The following OTUD7B variants were observed in gnomAD, a reference collection of about 807,000 sequenced individuals.
OTUD7B encodes OTU domain-containing protein 7B.
A neutral mutation model predicts 82.2 loss-of-function variants in OTUD7B; 34 were observed. The ratio of observed to expected loss-of-function variants is 0.41; its 90% confidence interval spans 0.31 to 0.55. OTUD7B has a LOEUF of 0.55. OTUD7B is among the 20% of genes least tolerant of loss of function. The probability of loss-of-function intolerance (pLI) is 0.20; values close to 1 mark genes in which losing one functional copy is unlikely to be tolerated. For missense variants in OTUD7B, 944 were observed against 1,062.1 expected (o/e 0.89, Z 1.55); for synonymous variants, 398 against 402.7 (o/e 0.99, Z 0.14).
rs879958400 is a variant in OTUD7B at position 149,942,800 on chromosome 1, T to A, written c.*1057A>T. On this transcript the variant is annotated 3_prime_UTR_variant, in exon 12 of 12. Coordinates refer to ENST00000581312, the MANE Select transcript of OTUD7B (RefSeq NM_020205.4). ...AGTAGGAGGAAAAAAAATCATTTTT[T>A]AAATGTTTTTGCTTGCTGGGGTCTT... The A allele has an allele frequency of 3.3e-5, 5 of 152,552 alleles. No homozygotes were observed. In the South Asian group the frequency reaches 8.3e-4, roughly 25 times the overall value. 9.4% of individuals were successfully genotyped at this position (152,552 alleles called of 1,614,324 possible). A position where few individuals can be genotyped will look rare whatever the true frequency, so the allele number is the denominator to read the frequency against.
At chr1:150,057,745 A>G in the OTUD7B span, among the ~76,000 whole-genome samples, 1 of 152,322 alleles carries the variant, frequency 6.6e-6, no homozygotes, top group South Asian at 2.1e-4. Flanking sequence ...CTAAAACATT[A>G]TATACAGTGA....
At position 149,959,817 on chromosome 1, in the gene OTUD7B, G is replaced by A. The variant is rs1303822512; in HGVS notation, c.733-21C>T. On this transcript the variant is annotated intron_variant, in intron 6 of 11. Transcript: ENST00000581312. ...CCTGACTGTGTGAAGGACAGGCAGGGGACATTGGGCAATTAGAGGCTGGGT... is the reference window on the plus strand; with the variant it reads ...CCTGACTGTGTGAAGGACAGGCAGGAGACATTGGGCAATTAGAGGCTGGGT... 8.5e-6 allele frequency: 13 copies of A among 1,528,152 alleles called. No individual in the cohort carries two copies. In the Admixed American group the frequency reaches 1.8e-4, roughly 22 times the overall value. 94.7% of individuals were successfully genotyped at this position (1,528,152 alleles called of 1,614,324 possible). A position where few individuals can be genotyped will look rare whatever the true frequency, so the allele number is the denominator to read the frequency against.
At chr1:149,963,617 G>A (rs1418635072) in intron 6 of OTUD7B, 4 of 150,038 alleles carry the variant, frequency 2.7e-5, no homozygotes, top group Non-Finnish European at 4.4e-5. Context: ...GAGAGGGCAA[G>A]TACAAACAAT....
At chr1:150,065,849 G>GTTTTTTTTTTTTTTTTT in the OTUD7B span, among the ~76,000 whole-genome samples, 37 of 151,614 alleles carry the variant, frequency 2.4e-4, no homozygotes, top group African/African-American at 8.8e-4. Context: ...TGTTCAAAAT[G>GTTTTTTTTTTTTTTTTT]TTTATGTTCC....
At chr1:149,966,008 T>C (rs1649499529) in intron 4 of OTUD7B, 130 bp from the exon 5 acceptor site, 1 of 635,448 alleles carries the variant, frequency 1.6e-6, no homozygotes, top group South Asian at 2.0e-5. Flanking sequence ...ACTTGATTAC[T>C]CTTTATATCT....
intron 4 of OTUD7B, among the ~76,000 whole-genome samples, chr1:149,966,747 A>G (rs1649540030): frequency 6.6e-6 from 1 of 152,198 alleles, no homozygotes; most frequent in African/African-American, 2.4e-5. Flanking sequence ...TATATGGTTA[A>G]TATAGAAGGT....
rs1553771314 is a variant in OTUD7B at position 149,944,299 on chromosome 1, G to A, written c.2090C>T (p.Thr697Ile). The A allele has an allele frequency of 2.5e-6, 4 of 1,611,030 alleles. No homozygotes were observed. Among genetic ancestry groups the A allele is most frequent in the Non-Finnish European group, 2.5e-6 (3 of 1,178,134 alleles). ...AFSTGYPGDF[T>I]IPRPSGGGVH... Reference sequence around the variant, plus strand: ...TCCGCCCCCAGACGGCCGAGGGATAGTAAAGTCCCCAGGGTAGCCAGTGGA... The same window carrying A: ...TCCGCCCCCAGACGGCCGAGGGATAATAAAGTCCCCAGGGTAGCCAGTGGA... The change falls in exon 12 of 12, where the codon ACT becomes ATT. Residue 697 changes from threonine to isoleucine, a missense_variant. Coordinates refer to ENST00000581312, the MANE Select transcript of OTUD7B (RefSeq NM_020205.4).
chr1:149,980,315 C>T (rs903505016), intron 1 of OTUD7B, among the ~76,000 whole-genome samples: 1 of 151,678 alleles, frequency 6.6e-6, no homozygotes, highest in Admixed American at 6.6e-5. Context: ...ATGCTGTGGA[C>T]CCTGACCTAA....
intron 2 of OTUD7B, among the ~76,000 whole-genome samples, chr1:149,974,894 A>G (rs1650203517): frequency 6.7e-6 from 1 of 149,244 alleles, no homozygotes; most frequent in South Asian, 2.1e-4. Context: ...AGGTCTTGCT[A>G]TGTTGCCCAG....
At chr1:150,031,793 T>C in the OTUD7B span, among the ~76,000 whole-genome samples, 7 of 152,192 alleles carry the variant, frequency 4.6e-5, no homozygotes, top group Admixed American at 2.0e-4. Flanking sequence ...GTACCTATTA[T>C]TGCTATGAGA....
the OTUD7B span, chr1:150,047,806 G>C: frequency 6.6e-6 from 1 of 152,088 alleles, no homozygotes; most frequent in Admixed American, 6.6e-5. Context: ...ACAAAAATTA[G>C]CTGGGCATGG....
At position 150,003,243 on chromosome 1, in the gene OTUD7B, C is replaced by CT. The variant is rs587744956; in HGVS notation, c.-67+7204dup. 1.4e-3 allele frequency among the ~76,000 whole-genome samples: 177 copies of CT among 124,512 alleles called. 4 individuals are homozygous for CT. The South Asian group carries it at 0.044, about 31-fold the overall frequency. 81.7% of individuals were successfully genotyped at this position (124,512 alleles called of 152,430 possible). On this transcript the variant is annotated intron_variant, in intron 1 of 11. Transcript: ENST00000581312. ...CCAGCCTGGGTGACAGAGCAAGACT[C>CT]TGTCTCAAAAAAAAAAAAAAAAAGA... is the stretch of plus-strand genomic sequence containing the variant.
Position 149,944,056 on chromosome 1 carries a change from C to A in OTUD7B, c.2333G>T (p.Gly778Val), listed in dbSNP as rs1190639836. ...ATCTGGCTCAGGGGGCTCTCTGTAG[C>A]CATTGCTATAGGAATCAGCCACTCG... is the stretch of plus-strand genomic sequence containing the variant. The part of the protein sequence containing the change: ...PYRVADSYSN[G>V]YREPPEPDGW... The change falls in exon 12 of 12, where the codon GGC becomes GTC. Residue 778 changes from glycine (G) to valine (V), a missense_variant. This residue lies in a region of OTUD7B where 412 missense variants were observed against 418.7 expected (regional missense o/e 0.98). Coordinates refer to ENST00000581312, the MANE Select transcript of OTUD7B (RefSeq NM_020205.4). The A allele has an allele frequency of 1.9e-6, 3 of 1,614,076 alleles. No homozygotes were observed. Among genetic ancestry groups the A allele is most frequent in the Non-Finnish European group, 2.5e-6 (3 of 1,180,040 alleles).
rs587737818 is a variant in OTUD7B at position 150,004,582 on chromosome 1, A to C, written c.-67+5866T>G. On this transcript the variant is annotated intron_variant, in intron 1 of 11. Coordinates refer to ENST00000581312, the MANE Select transcript of OTUD7B (RefSeq NM_020205.4). ...CCTGTCTCAAAAAAATAAATAAATA[A>C]ATACATAAATAAATAAATAAATAAA... is the stretch of plus-strand genomic sequence containing the variant. 1.3e-4 allele frequency among the ~76,000 whole-genome samples: 19 copies of C among 150,864 alleles called. No individual in the cohort carries two copies. The South Asian group carries it at 2.3e-3, about 18-fold the overall frequency.
intron 1 of OTUD7B, among the ~76,000 whole-genome samples, chr1:150,005,556 G>A (rs782477206): frequency 9.2e-5 from 14 of 152,074 alleles, no homozygotes; most frequent in African/African-American, 1.4e-4. Flanking sequence ...GTGGGGGAGA[G>A]TGGCAGGGAT....
the OTUD7B span, among the ~76,000 whole-genome samples, chr1:150,043,064 G>T: frequency 2.0e-5 from 3 of 152,060 alleles, no homozygotes; most frequent in African/African-American, 7.3e-5. Context: ...TCAAAGCAAA[G>T]TCCAGAGACC....
In OTUD7B at chr1:149,944,338, C is replaced by T. The variant is rs782763881; in HGVS notation, c.2051G>A (p.Arg684Lys). 3.7e-6 allele frequency: 6 copies of T among 1,612,782 alleles called. No homozygotes were observed. In the African/African-American group the frequency reaches 8.0e-5, roughly 22 times the overall value. Residue 684 changes from arginine (R) to lysine (K), a missense_variant, in exon 12 of 12, where the codon AGG becomes AAG. Coordinates refer to ENST00000581312, the MANE Select transcript of OTUD7B (RefSeq NM_020205.4). Reference sequence around the variant, plus strand: ...GTAGCCAGTGGAAAATGCCATTGCCCTGGACTCTGCTGGGGGACCGGTCGG... The same window carrying T: ...GTAGCCAGTGGAAAATGCCATTGCCTTGGACTCTGCTGGGGGACCGGTCGG... The part of the protein sequence containing the change: ...EQPTGPPAES[R>K]AMAFSTGYPG...
chr1:149,949,367 G>A (rs1648009788), intron 9 of OTUD7B, among the ~76,000 whole-genome samples: 1 of 151,978 alleles, frequency 6.6e-6, no homozygotes, highest in Non-Finnish European at 1.5e-5. Context: ...CATAATTTAA[G>A]ACAAATTAGA....
At chr1:150,023,228 T>C in the OTUD7B span, among the ~76,000 whole-genome samples, 5 of 152,198 alleles carry the variant, frequency 3.3e-5, no homozygotes, top group Admixed American at 3.3e-4. Flanking sequence ...AAAAACAGTG[T>C]GGAGGTTCCT....
Sources: allele counts gnomAD v4.1 joint callset (sites outside exome capture counted in the v4.1 genomes callset), GRCh38; gene constraint gnomAD v4.1.1; regional missense constraint gnomAD v4.1.1; transcripts MANE v1.5; gene names NCBI Gene and HGNC (gene_info 2026-07-23, HGNC 2026-07-21).